CCDC88C: variants seen among roughly 807,000 people sequenced by gnomAD.
CCDC88C encodes the protein coiled-coil and HOOK domain protein 88C, also known as protein Daple.
Under a neutral mutation model 198.8 loss-of-function variants are expected in CCDC88C, and 131 were observed. That is an observed-to-expected ratio of 0.66 (90% CI 0.57 to 0.76). The LOEUF (loss-of-function observed/expected upper bound fraction) is 0.76, where lower values mean the gene tolerates loss of function less well. Ranked by LOEUF, CCDC88C falls within the 30% of genes least tolerant of loss-of-function variation. CCDC88C has a pLI of 0.00. For missense variants in CCDC88C, 2,553 were observed against 2,631.6 expected (o/e 0.97, Z 0.65); for synonymous variants, 1,166 against 1,114.7 (o/e 1.05, Z -0.92).
Position 91,346,407 on chromosome 14 carries a change from G to A in CCDC88C, c.341-2750C>T, listed in dbSNP as rs142578387. 9.2e-3 allele frequency among the ~76,000 whole-genome samples: 1,401 copies of A among 152,228 alleles called. 12 individuals carry two copies. Among genetic ancestry groups the A allele is most frequent in the Non-Finnish European group, 0.013 (851 of 68,016 alleles). ...CAGCGTTGCAAAGCAATCTTCTAAG[G>A]TTAAATCCTTCTCCTGCTAGTAAGT... On this transcript the variant is annotated intron_variant, in intron 4 of 29. Coordinates refer to ENST00000389857, the MANE Select transcript of CCDC88C (RefSeq NM_001080414.4).
intron 3 of CCDC88C, among the ~76,000 whole-genome samples, chr14:91,406,362 C>T (rs1886481827): frequency 6.6e-6 from 1 of 151,004 alleles, no homozygotes; most frequent in African/African-American, 2.5e-5. Context: ...CCATTTGAGA[C>T]CTTCATCAAT....
At chr14:91,328,778 A>G (rs1221873007) in intron 10 of CCDC88C, among the ~76,000 whole-genome samples, 1 of 152,168 alleles carries the variant, frequency 6.6e-6, no homozygotes, top group Non-Finnish European at 1.5e-5. Context: ...CCTGAGACCT[A>G]CAAACTCGCC....
intron 10 of CCDC88C, among the ~76,000 whole-genome samples, chr14:91,330,794 G>T (rs1892792255): frequency 6.6e-6 from 1 of 152,074 alleles, no homozygotes; most frequent in Admixed American, 6.5e-5. Context: ...GTACACTGAG[G>T]CCTGGAGCGC....
intron 23 of CCDC88C, among the ~76,000 whole-genome samples, chr14:91,293,651 C>T (rs1444351305): frequency 1.3e-5 from 2 of 149,084 alleles, no homozygotes; most frequent in African/African-American, 2.5e-5. Context: ...TGGACTTCAA[C>T]TCCCCCTGTT....
chr14:91,322,120 C>A (rs536963700), intron 12 of CCDC88C, among the ~76,000 whole-genome samples: 1 of 152,094 alleles, frequency 6.6e-6, no homozygotes, highest in African/African-American at 2.4e-5. Flanking sequence ...GTTCTTCCCC[C>A]CTTCATTTAC....
At chr14:91,330,783 G>A (rs1892791367) in intron 10 of CCDC88C, among the ~76,000 whole-genome samples, 1 of 152,018 alleles carries the variant, frequency 6.6e-6, no homozygotes, top group Non-Finnish European at 1.5e-5. Context: ...GGATAACCCG[G>A]GTACACTGAG....
chr14:91,284,832 C>T lies in CCDC88C; in HGVS notation c.4442-1315G>A, dbSNP rs918468325. On this transcript the variant is annotated intron_variant, in intron 25 of 29. Coordinates refer to ENST00000389857, the MANE Select transcript of CCDC88C (RefSeq NM_001080414.4). The surrounding 1 kb of genome is among the most constrained non-coding windows in gnomAD (Gnocchi z 4.1). ...GTGAATCAATGTAAGGGAAAACATG[C>T]AGGTAATCATATTTTTGTAGGTAAT... Among the ~76,000 whole-genome samples the T allele has an allele frequency of 1.3e-5, 2 of 152,080 alleles. No homozygotes were observed. The highest frequency in any genetic ancestry group is 4.8e-5 in the African/African-American group (2 of 41,388).
chr14:91,353,865 T>C (rs1046504690), intron 4 of CCDC88C, among the ~76,000 whole-genome samples: 2 of 152,138 alleles, frequency 1.3e-5, no homozygotes, highest in African/African-American at 2.4e-5. Flanking sequence ...CCCTGTAGGG[T>C]GTGCATATGC....
intron 13 of CCDC88C, 88 bp downstream of exon 13, chr14:91,321,032 T>C (rs1179326548): frequency 3.8e-5 from 50 of 1,314,440 alleles, no homozygotes; most frequent in Non-Finnish European, 5.0e-5. Flanking sequence ...GGCCCCCTCC[T>C]TGTCTGTGCT....
chr14:91,405,226 T>C (rs191408991), intron 3 of CCDC88C, among the ~76,000 whole-genome samples: 1 of 152,248 alleles, frequency 6.6e-6, no homozygotes, highest in Admixed American at 6.5e-5. Flanking sequence ...GGCCTGGCCT[T>C]CCAGACTGTC....
chr14:91,407,875 C>G (rs1341933123), intron 3 of CCDC88C, among the ~76,000 whole-genome samples: 4 of 152,162 alleles, frequency 2.6e-5, no homozygotes, highest in Non-Finnish European at 5.9e-5. Context: ...CTCCACCTCC[C>G]AGGTTCAAGC....
chr14:91,365,929 G>C lies in CCDC88C; in HGVS notation c.271-6218C>G, dbSNP rs532440515. ...CAAAGGTGTAAAAAGATACATAATT[G>C]TATGTACAGTAGGAAATGGATGTTG... On this transcript the variant is annotated intron_variant, in intron 3 of 29. Transcript: ENST00000389857. 5.4e-4 allele frequency among the ~76,000 whole-genome samples: 82 copies of C among 152,150 alleles called. 1 individual carries two copies. In the South Asian group the frequency reaches 0.017, roughly 32 times the overall value.
chr14:91,397,454 ACACACACTCTCACACT>A (rs956000447), intron 3 of CCDC88C, among the ~76,000 whole-genome samples: 182 of 152,250 alleles, frequency 1.2e-3, no homozygotes, highest in Non-Finnish European at 1.8e-3. Flanking sequence ...ACACACACTC[ACACACACTCTCACACT>A]CACACACTCT....
chr14:91,320,558 T>C (rs1013826730), intron 13 of CCDC88C, among the ~76,000 whole-genome samples: 6 of 152,232 alleles, frequency 3.9e-5, no homozygotes, highest in Admixed American at 3.9e-4. Flanking sequence ...ACCTCTGATC[T>C]GCAGCCAGCC....
chr14:91,325,790 A>C lies in CCDC88C; in HGVS notation c.1197+120T>G, dbSNP rs1049860883. 4.1e-6 allele frequency: 4 copies of C among 980,336 alleles called. No homozygotes were observed. The African/African-American group carries it at 6.6e-5, about 16-fold the overall frequency. The allele number at this position is 980,336 out of a possible 1,614,324, so 60.7% of individuals were successfully genotyped here. Reference sequence around the variant, plus strand: ...GGCCTCGCTAGGTTGCCAGGGTTAGAACTCCTGCGCTCAAGGGATCCTCCC... The same window carrying C: ...GGCCTCGCTAGGTTGCCAGGGTTAGCACTCCTGCGCTCAAGGGATCCTCCC... On this transcript the variant is annotated intron_variant, in intron 11 of 29. Coordinates refer to ENST00000389857, the MANE Select transcript of CCDC88C (RefSeq NM_001080414.4). This position sits in a 1 kb window ranked among gnomAD's most constrained non-coding sequence, Gnocchi z 4.1.
At chr14:91,360,252 TCACACA>T (rs57026211) in intron 3 of CCDC88C, among the ~76,000 whole-genome samples, 40,287 of 144,062 alleles carry the variant, frequency 0.28, 5,885 homozygotes, top group East Asian at 0.46. Context: ...GACCCCATCT[TCACACA>T]CACACACACA....
intron 3 of CCDC88C, among the ~76,000 whole-genome samples, chr14:91,360,972 C>A (rs558935086): frequency 6.6e-6 from 1 of 152,102 alleles, no homozygotes; most frequent in Admixed American, 6.5e-5. Flanking sequence ...ACAGAAAAAA[C>A]TCGGATCTAC....
At chr14:91,320,650 G>T (rs1431217034) in intron 13 of CCDC88C, among the ~76,000 whole-genome samples, 1 of 152,234 alleles carries the variant, frequency 6.6e-6, no homozygotes, top group East Asian at 1.9e-4. Context: ...CCCTTAGGCT[G>T]CAGGGTCTGT....
rs560508898 is a variant in CCDC88C, at chr14:91,415,500, G to A, written c.161+1238C>T. On this transcript the variant is annotated intron_variant, in intron 2 of 29. Transcript: ENST00000389857. ...AGCACTTTGGGAGGCCAAGGCAGGCGGATCACCTGAGGTCGGGAGTTCGAG... is the reference window on the plus strand; with the variant it reads ...AGCACTTTGGGAGGCCAAGGCAGGCAGATCACCTGAGGTCGGGAGTTCGAG... Among the ~76,000 whole-genome samples, 499 of 152,200 alleles carry A rather than the reference G, an allele frequency of 3.3e-3. 2 individuals are homozygous for A. Among genetic ancestry groups the A allele is most frequent in the African/African-American group, 0.011 (472 of 41,520 alleles).
Sources: gnomAD v4.1 joint callset for allele counts (sites outside exome capture counted in the v4.1 genomes callset) on GRCh38, gnomAD v4.1.1 for gene constraint, Gnocchi (gnomAD v3.1) non-coding constraint, MANE v1.5 for transcripts, NCBI Gene and HGNC (gene_info 2026-07-23, HGNC 2026-07-21) for gene names.